The following MACROD2 variants were observed in gnomAD, a reference collection of about 807,000 sequenced individuals.
MACROD2 encodes the protein mono-ADP ribosylhydrolase 2, also known as ADP-ribose glycohydrolase MACROD2.
In MACROD2, 36 loss-of-function variants were observed where a neutral mutation model predicts 70.4. That is an observed-to-expected ratio of 0.51 (90% CI 0.39 to 0.68). The LOEUF (loss-of-function observed/expected upper bound fraction) is 0.68, where lower values mean the gene tolerates loss of function less well. Among genes scored for constraint, MACROD2 ranks in the 30% least tolerant of loss-of-function variants. The pLI is 0.00. For missense variants in MACROD2, 496 were observed against 538.4 expected, an observed-to-expected ratio of 0.92 and a Z score of 0.78; for synonymous variants, 172 against 178.8, an observed-to-expected ratio of 0.96 and a Z score of 0.30.
chr20:15,510,484 CT>C (rs2047484475), intron 8 of MACROD2, among the ~76,000 whole-genome samples: 1 of 152,176 alleles, frequency 6.6e-6, no homozygotes, highest in Non-Finnish European at 1.5e-5. Context: ...GGCATTTCCC[CT>C]TTCTAGTGGA....
At chr20:14,455,342 A>T (rs575355452) in intron 3 of MACROD2, among the ~76,000 whole-genome samples, 58 of 152,042 alleles carry the variant, frequency 3.8e-4, no homozygotes, top group Middle Eastern at 3.4e-3. Flanking sequence ...TTCTTATTTT[A>T]TGTATTAAAA....
chr20:14,935,142 C>T (rs2074329707), intron 5 of MACROD2: 1 of 152,136 alleles, frequency 6.6e-6, no homozygotes, highest in Non-Finnish European at 1.5e-5. Context: ...CACACACACA[C>T]ACACACACGC....
chr20:14,033,085 C>CTTTTTTTTTTTTTTTTTTTTT (rs11480685), intron 2 of MACROD2, among the ~76,000 whole-genome samples: 1 of 132,634 alleles, frequency 7.5e-6, no homozygotes, highest in Non-Finnish European at 1.6e-5. Context: ...CTTGGTTTTT[C>CTTTTTTTTTTTTTTTTTTTTT]TTTTTTTTTT....
At chr20:15,874,027 T>C (rs922849422) in intron 9 of MACROD2, among the ~76,000 whole-genome samples, 8 of 152,040 alleles carry the variant, frequency 5.3e-5, no homozygotes, top group East Asian at 1.9e-4. Flanking sequence ...AACTTGTCAT[T>C]TACCTTAGGT....
At chr20:14,363,041 A>G (rs2083238001) in intron 3 of MACROD2, among the ~76,000 whole-genome samples, 1 of 152,162 alleles carries the variant, frequency 6.6e-6, no homozygotes, top group African/African-American at 2.4e-5. Flanking sequence ...TTATATACAC[A>G]AAGAAGTTCA....
intron 8 of MACROD2, among the ~76,000 whole-genome samples, chr20:15,543,182 A>T (rs1287113248): frequency 6.6e-6 from 1 of 152,208 alleles, no homozygotes; most frequent in African/African-American, 2.4e-5. Flanking sequence ...AGTATAGCAG[A>T]GTTTAAGTTT....
At chr20:14,826,613 T>C (rs1252168903) in intron 5 of MACROD2, among the ~76,000 whole-genome samples, 1 of 152,114 alleles carries the variant, frequency 6.6e-6, no homozygotes, top group Non-Finnish European at 1.5e-5. Flanking sequence ...AATGCGTGTC[T>C]CTCCAAAGGC....
intron 5 of MACROD2, among the ~76,000 whole-genome samples, chr20:15,170,453 A>G (rs962207123): frequency 1.3e-5 from 2 of 152,200 alleles, no homozygotes; most frequent in African/African-American, 4.8e-5. Context: ...GAGAAACTGC[A>G]GAGGAACTGT....
At chr20:14,135,148 A>G (rs2054777773) in intron 3 of MACROD2, among the ~76,000 whole-genome samples, 1 of 152,196 alleles carries the variant, frequency 6.6e-6, no homozygotes, top group African/African-American at 2.4e-5. Context: ...TTTGTAATTT[A>G]CATAATCTAT....
chr20:14,414,242 C>T (rs4814301), intron 3 of MACROD2, among the ~76,000 whole-genome samples: 122,520 of 152,084 alleles, frequency 0.81, 49,691 homozygotes, highest in East Asian at 1. Context: ...TGACCTGCTC[C>T]AAACCTGCTT....
intron 8 of MACROD2, among the ~76,000 whole-genome samples, chr20:15,636,381 A>AT (rs1208072863): frequency 6.6e-6 from 1 of 152,186 alleles, no homozygotes; most frequent in Non-Finnish European, 1.5e-5. Context: ...CTCCATGGTA[A>AT]TACTTGGGAT....
At chr20:15,772,084 CAAAAA>C (rs753205618) in intron 8 of MACROD2, among the ~76,000 whole-genome samples, 60 of 70,714 alleles carry the variant, frequency 8.5e-4, no homozygotes, top group African/African-American at 2.5e-3. Context: ...GACTCGGTCT[CAAAAA>C]AAAAAAAAAA....
At chr20:15,168,440 G>GAT (rs1041087263) in intron 5 of MACROD2, among the ~76,000 whole-genome samples, 3 of 105,306 alleles carry the variant, frequency 2.8e-5, no homozygotes, top group Non-Finnish European at 5.8e-5. Flanking sequence ...CACATTGTGG[G>GAT]ATGTGTGTGT....
rs2067436233 is a variant in MACROD2, at chr20:16,049,911, G to C, written c.*35G>C. ...GCATCGCAAGGCCTCTCCTGGCTCT[G>C]GGGGAGCTCGGGAAGATAGCAGCAC... On this transcript the variant is annotated 3_prime_UTR_variant, in exon 18 of 18. Coordinates refer to ENST00000684519, the MANE Select transcript of MACROD2 (RefSeq NM_001351661.2). 1 of 1,586,748 alleles carries C rather than the reference G, an allele frequency of 6.3e-7. No individual in the cohort carries two copies. Among genetic ancestry groups the C allele is most frequent in the East Asian group, 2.3e-5 (1 of 44,068 alleles).
chr20:14,359,138 A>C (rs1425484713), intron 3 of MACROD2, among the ~76,000 whole-genome samples: 2 of 152,150 alleles, frequency 1.3e-5, no homozygotes, highest in Non-Finnish European at 2.9e-5. Flanking sequence ...CAGTGAGCCA[A>C]GATCGCACCA....
At chr20:14,596,466 T>A (rs1982153681) in intron 4 of MACROD2, among the ~76,000 whole-genome samples, 1 of 150,260 alleles carries the variant, frequency 6.7e-6, no homozygotes, top group Non-Finnish European at 1.5e-5. Context: ...ACTTATGACT[T>A]AACTAAAATA....
intron 5 of MACROD2, chr20:14,892,687 T>A (rs2073777559): frequency 1.3e-5 from 2 of 152,172 alleles, no homozygotes; most frequent in Non-Finnish European, 2.9e-5. Flanking sequence ...CAACTTGCCA[T>A]TTCCCTTCCC....
At chr20:14,627,407 G>A (rs1031297093) in intron 4 of MACROD2, among the ~76,000 whole-genome samples, 4 of 152,186 alleles carry the variant, frequency 2.6e-5, no homozygotes, top group Non-Finnish European at 5.9e-5. Context: ...TGAGCCCATT[G>A]TGAAGGGTCA....
At chr20:14,091,837 C>A (rs1329350192) in intron 3 of MACROD2, among the ~76,000 whole-genome samples, 1 of 152,014 alleles carries the variant, frequency 6.6e-6, no homozygotes, top group Non-Finnish European at 1.5e-5. Context: ...AACCATTCAC[C>A]CATTGAGGGA....
Sources: gnomAD v4.1 joint callset for allele counts (sites outside exome capture counted in the v4.1 genomes callset) on GRCh38, gnomAD v4.1.1 for gene constraint, MANE v1.5 for transcripts, NCBI Gene and HGNC (gene_info 2026-07-23, HGNC 2026-07-21) for gene names.